SGMS2: variants seen among roughly 807,000 people sequenced by gnomAD.
SGMS2 encodes sphingomyelin synthase 2.
SGMS2 carries 21 observed loss-of-function variants against 43.8 expected under a neutral mutation model. The observed-to-expected ratio is 0.48, with a 90% CI of 0.34 to 0.69. The LOEUF is 0.69. SGMS2 is among the 30% of genes least tolerant of loss of function. The probability of loss-of-function intolerance (pLI) is 0.01; values close to 1 mark genes in which losing one functional copy is unlikely to be tolerated. For synonymous variants in SGMS2, 167 were observed against 160.6 expected (o/e 1.04, Z -0.30); for missense variants, 384 against 443.2 (o/e 0.87, Z 1.20).
chr4:107,870,932 A>T (rs989484211), intron 2 of SGMS2, among the ~76,000 whole-genome samples: 2 of 152,248 alleles, frequency 1.3e-5, no homozygotes, highest in Non-Finnish European at 2.9e-5. Context: ...TGGAAATAAG[A>T]TTAACTATAA....
At chr4:107,867,207 ACTC>A (rs1728195784) in intron 2 of SGMS2, 1 of 151,994 alleles carries the variant, frequency 6.6e-6, no homozygotes, top group African/African-American at 2.4e-5. Flanking sequence ...TGAAGGGTGT[ACTC>A]CTTCTCTCCT....
intron 1 of SGMS2, among the ~76,000 whole-genome samples, chr4:107,844,755 GA>G (rs1310739375): frequency 2.1e-4 from 32 of 152,204 alleles, no homozygotes; most frequent in African/African-American, 7.2e-4. Flanking sequence ...ATTCTAAAAT[GA>G]ACCAATTTTA....
At chr4:107,891,169 G>A (rs1248536060) in intron 2 of SGMS2, among the ~76,000 whole-genome samples, 1 of 143,840 alleles carries the variant, frequency 7.0e-6, no homozygotes, top group East Asian at 2.0e-4. Context: ...CCTTTTTTGT[G>A]TGTGTCTATG....
rs1730604246 is a variant in SGMS2, at chr4:107,895,672, G to A, written c.119G>A (p.Gly40Asp). The A allele has an allele frequency of 6.2e-7, 1 of 1,613,982 alleles. No individual in the cohort carries two copies. Among genetic ancestry groups the A allele is most frequent in the Admixed American group, 1.7e-5 (1 of 59,974 alleles). ...GAAGAAGAAAACAAAAATGGCAATG[G>A]TAAACCCAAGAGCTTATCCAGTGGG... ...PVEEENKNGNGKPKSLSSGLR... is the reference protein window; with the variant it reads ...PVEEENKNGNDKPKSLSSGLR... The change falls in exon 3 of 7, where the codon GGT (glycine) becomes GAT (aspartate). Residue 40 changes from glycine to aspartate, a missense_variant. Transcript: ENST00000690982.
intron 2 of SGMS2, chr4:107,867,449 C>T (rs931545251): frequency 6.6e-6 from 1 of 152,210 alleles, no homozygotes; most frequent in Non-Finnish European, 1.5e-5. Context: ...GTTCTTCTGA[C>T]ATAGCAGGGC....
chr4:107,847,277 A>G (rs1726883901), intron 1 of SGMS2, among the ~76,000 whole-genome samples: 1 of 152,114 alleles, frequency 6.6e-6, no homozygotes, highest in African/African-American at 2.4e-5. Flanking sequence ...ATCCATCTCG[A>G]ATTGATTTTT....
In SGMS2 at chr4:107,895,819, A is replaced by G. The variant is rs1323096348; in HGVS notation, c.266A>G (p.Asn89Ser). Residue 89 changes from asparagine (N) to serine (S), a missense_variant, in exon 3 of 7, where the codon AAC becomes AGC. By Grantham distance (46) the Asn-to-Ser change is conservative (BLOSUM62 1). Coordinates refer to ENST00000690982, the MANE Select transcript of SGMS2 (RefSeq NM_001375905.1). ...TGIAFIYAVF[N>S]LVLTTVMITV... ...ATTGCCTTCATATATGCAGTTTTCAACCTCGTCTTGACAACCGTCATGATC... is the reference window on the plus strand; with the variant it reads ...ATTGCCTTCATATATGCAGTTTTCAGCCTCGTCTTGACAACCGTCATGATC... 3 of 1,613,886 alleles carry G rather than the reference A, an allele frequency of 1.9e-6. No individual in the cohort carries two copies. Among genetic ancestry groups the G allele is most frequent in the Non-Finnish European group, 2.5e-6 (3 of 1,179,942 alleles).
Position 107,912,300 on chromosome 4 carries a change from A to G in SGMS2, c.*1747A>G, listed in dbSNP as rs1036424140. The G allele has an allele frequency of 9.2e-5, 14 of 152,334 alleles. No homozygotes were observed. Among genetic ancestry groups the G allele is most frequent in the Middle Eastern group, 3.4e-3 (1 of 294 alleles). 9.4% of individuals were successfully genotyped at this position (152,334 alleles called of 1,614,324 possible). A position where few individuals can be genotyped will look rare whatever the true frequency, so the allele number is the denominator to read the frequency against. On this transcript the variant is annotated 3_prime_UTR_variant, in exon 7 of 7. Transcript: ENST00000690982. ...CTTTAATTCAGTTATTTTAAACAAG[A>G]ATTAAAACCCCAAACATCCTTGGCA...
chr4:107,882,138 G>C (rs1436045968), intron 2 of SGMS2, among the ~76,000 whole-genome samples: 1 of 152,186 alleles, frequency 6.6e-6, no homozygotes, highest in Non-Finnish European at 1.5e-5. Context: ...CAGTGGGATA[G>C]CTGGATCATA....
chr4:107,860,525 G>A (rs878970151), intron 2 of SGMS2, among the ~76,000 whole-genome samples: 1 of 142,000 alleles, frequency 7.0e-6, no homozygotes, highest in Admixed American at 7.1e-5. Context: ...AGAGGAAGGT[G>A]TTTTTTTTTT....
intron 2 of SGMS2, chr4:107,867,298 A>G (rs1486023336): frequency 6.6e-6 from 1 of 152,176 alleles, no homozygotes; most frequent in Non-Finnish European, 1.5e-5. Flanking sequence ...GAAAGATTGG[A>G]GGAGTTACCG....
At chr4:107,853,438 C>T (rs1727261971) in intron 1 of SGMS2, among the ~76,000 whole-genome samples, 1 of 152,152 alleles carries the variant, frequency 6.6e-6, no homozygotes, top group South Asian at 2.1e-4. Context: ...GGTCATTCCT[C>T]CCCACTCCTT....
intron 2 of SGMS2, among the ~76,000 whole-genome samples, chr4:107,877,068 CTT>C: frequency 6.6e-6 from 1 of 152,056 alleles, no homozygotes; most frequent in East Asian, 1.9e-4. Flanking sequence ...AGGAGGCTGA[CTT>C]GGGAGAATCA....
rs1204099307 is a variant in SGMS2 at position 107,910,345 on chromosome 4, T to C, written c.895-5T>C. 5.6e-6 allele frequency: 9 copies of C among 1,611,546 alleles called. No individual in the cohort carries two copies. Among genetic ancestry groups the C allele is most frequent in the Non-Finnish European group, 7.6e-6 (9 of 1,178,842 alleles). Reference sequence around the variant, plus strand: ...CTCATTTAAATTTTTTTCTACCATTTACAGAACTTGAAGGTCTCTTCACAG... The same window carrying C: ...CTCATTTAAATTTTTTTCTACCATTCACAGAACTTGAAGGTCTCTTCACAG... On this transcript the variant is annotated splice_polypyrimidine_tract_variant and splice_region_variant and intron_variant, in intron 6 of 6. Transcript: ENST00000690982.
chr4:107,843,306 G>A (rs549867646), intron 1 of SGMS2, among the ~76,000 whole-genome samples: 16 of 152,126 alleles, frequency 1.1e-4, no homozygotes, highest in Non-Finnish European at 1.8e-4. Flanking sequence ...TCTCAAAAAC[G>A]TTTTTACTTA....
At chr4:107,903,125 GA>G (rs953471786) in intron 4 of SGMS2, 107 bp from the exon 5 acceptor site, 1,044 of 1,038,574 alleles carry the variant, frequency 1.0e-3, no homozygotes, top group Non-Finnish European at 1.1e-3. Context: ...AGGTTAAAAA[GA>G]AAAAAAAAAT....
intron 1 of SGMS2, among the ~76,000 whole-genome samples, chr4:107,853,616 CAT>C (rs1471361166): frequency 1.3e-5 from 2 of 152,198 alleles, no homozygotes; most frequent in African/African-American, 2.4e-5. Flanking sequence ...GAGGAACTGA[CAT>C]GTGATTCTTT....
intron 2 of SGMS2, among the ~76,000 whole-genome samples, chr4:107,865,191 T>C (rs1728026414): frequency 6.6e-6 from 1 of 152,232 alleles, no homozygotes; most frequent in South Asian, 2.1e-4. Context: ...TTCTAAGACA[T>C]AATCAGCTGC....
At chr4:107,839,580 A>G (rs1726388681) in intron 1 of SGMS2, among the ~76,000 whole-genome samples, 2 of 152,204 alleles carry the variant, frequency 1.3e-5, no homozygotes, top group Non-Finnish European at 1.5e-5. Context: ...TAACAAAAAT[A>G]ATTAATGTTA....
Sources: allele counts gnomAD v4.1 joint callset (sites outside exome capture counted in the v4.1 genomes callset), GRCh38; gene constraint gnomAD v4.1.1; transcripts MANE v1.5; gene names NCBI Gene and HGNC (gene_info 2026-07-23, HGNC 2026-07-21).